POU4F1: variants seen among roughly 807,000 people sequenced by gnomAD.
The protein encoded by POU4F1 is POU class 4 homeobox 1, also known as POU domain, class 4, transcription factor 1.
Under a neutral mutation model 19.8 loss-of-function variants are expected in POU4F1, and 5 were observed. That is an observed-to-expected ratio of 0.25 (90% CI 0.13 to 0.53). The LOEUF (loss-of-function observed/expected upper bound fraction) is 0.53. Ranked by LOEUF, POU4F1 falls within the 20% of genes least tolerant of loss-of-function variation. The pLI, the probability that POU4F1 is intolerant of heterozygous loss-of-function variation, is 0.96. For missense variants in POU4F1, 408 were observed against 511.6 expected, an observed-to-expected ratio of 0.80 and a Z score of 1.95; for synonymous variants, 266 against 247.7, an observed-to-expected ratio of 1.07 and a Z score of -0.69.
In POU4F1 at chr13:78,599,767, G is replaced by A. The variant is rs919251167; in HGVS notation, c.*1648C>T. On this transcript the variant is annotated 3_prime_UTR_variant, in exon 2 of 2. Coordinates refer to ENST00000377208, the MANE Select transcript of POU4F1 (RefSeq NM_006237.4). ...AAGGATGGTAACAAACCATCTCTAC[G>A]AGAGATCCAAAGAGTATCTTGTACA... 1 of 152,330 alleles carries A rather than the reference G, an allele frequency of 6.6e-6. No homozygotes were observed. The highest frequency in any genetic ancestry group is 2.4e-5 in the African/African-American group (1 of 41,358). 9.4% of individuals were successfully genotyped at this position (152,330 alleles called of 1,614,324 possible).
chr13:78,602,314 A>G lies in POU4F1; in HGVS notation c.361T>C (p.Ser121Pro). ...LEPGDLLDHI[S>P]SPSLALMAGA... is the part of the protein sequence containing the mutation. ...GCCATGAGCGCGAGCGACGGCGAGG[A>G]GATGTGGTCCAGCAGATCGCCGGGT... The change falls in exon 2 of 2, where the codon TCC (serine) becomes CCC (proline). Residue 121 changes from serine (S) to proline (P), a missense_variant. Transcript: ENST00000377208. 1 of 1,296,346 alleles carries G rather than the reference A, an allele frequency of 7.7e-7. No homozygotes were observed. 80.3% of individuals were successfully genotyped at this position (1,296,346 alleles called of 1,614,324 possible).
At position 78,603,467 on chromosome 13, in the gene POU4F1, T is replaced by TGCTCCTGCTGCTGCC; in HGVS notation, c.-142_-141insGGCAGCAGCAGGAGC. The TGCTCCTGCTGCTGCC allele has an allele frequency of 8.2e-7, 1 of 1,226,304 alleles. No individual in the cohort carries two copies. The allele number at this position is 1,226,304 out of a possible 1,614,324, so 76.0% of individuals were successfully genotyped here. A position where few individuals can be genotyped will look rare whatever the true frequency, so the allele number is the denominator to read the frequency against. On this transcript the variant is annotated 5_prime_UTR_variant, in exon 1 of 2. Transcript: ENST00000377208. The stretch of plus-strand genomic sequence containing the variant: ...CGGCGGCCCCGCCGCGGGCTGCTGC[T>TGCTCCTGCTGCTGCC]GCTGCTCCTGCTGCTGCCAGGCGCT...
rs1049128243 is a variant in POU4F1, at chr13:78,598,560, T to C, written c.*2855A>G. On this transcript the variant is annotated 3_prime_UTR_variant, in exon 2 of 2. Coordinates refer to ENST00000377208, the MANE Select transcript of POU4F1 (RefSeq NM_006237.4). The stretch of plus-strand genomic sequence containing the variant: ...AACATCAAGTGTTTTCCTTCACAGA[T>C]TTGCCGGTGAAATTAAAAAGATTTG... The C allele has an allele frequency of 6.6e-6, 1 of 152,178 alleles. No individual in the cohort carries two copies. The highest frequency in any genetic ancestry group is 2.4e-5 in the African/African-American group (1 of 41,438). The allele number at this position is 152,178 out of a possible 1,614,324, so 9.4% of individuals were successfully genotyped here.
Position 78,603,465 on chromosome 13 carries a change from G to GCTGCTGCTC in POU4F1, c.-148_-140dup. The GCTGCTGCTC allele has an allele frequency of 1.6e-6, 2 of 1,262,942 alleles. No individual in the cohort carries two copies. Among genetic ancestry groups the GCTGCTGCTC allele is most frequent in the Non-Finnish European group, 2.0e-6 (2 of 999,382 alleles). The allele number at this position is 1,262,942 out of a possible 1,614,324, so 78.2% of individuals were successfully genotyped here. A position where few individuals can be genotyped will look rare whatever the true frequency, so the allele number is the denominator to read the frequency against. On this transcript the variant is annotated 5_prime_UTR_variant, in exon 1 of 2. Coordinates refer to ENST00000377208, the MANE Select transcript of POU4F1 (RefSeq NM_006237.4). ...GGCGGCGGCCCCGCCGCGGGCTGCT[G>GCTGCTGCTC]CTGCTGCTCCTGCTGCTGCCAGGCG... is the stretch of plus-strand genomic sequence containing the variant.
rs1033119204 is a variant in POU4F1 at position 78,601,332 on chromosome 13, C to T, written c.*83G>A. 2.5e-6 allele frequency: 4 copies of T among 1,578,474 alleles called. No individual in the cohort carries two copies. The African/African-American group carries it at 5.4e-5, about 21-fold the overall frequency. ...GGCAGGATAACGGACACTCCAAATCCGAGGGGAGGCAAGCAGAGGAAAGCC... is the reference window on the plus strand; with the variant it reads ...GGCAGGATAACGGACACTCCAAATCTGAGGGGAGGCAAGCAGAGGAAAGCC... On this transcript the variant is annotated 3_prime_UTR_variant, in exon 2 of 2. Transcript: ENST00000377208.
rs1323022465 is a variant in POU4F1 at position 78,599,560 on chromosome 13, T to C, written c.*1855A>G. On this transcript the variant is annotated 3_prime_UTR_variant, in exon 2 of 2. Transcript: ENST00000377208. Reference sequence around the variant, plus strand: ...AGTTTAGTGCTCAGTTTCAAATGCATAGAATGTTTGCCCTGCAAACAATGA... The same window carrying C: ...AGTTTAGTGCTCAGTTTCAAATGCACAGAATGTTTGCCCTGCAAACAATGA... 4 of 152,622 alleles carry C rather than the reference T, an allele frequency of 2.6e-5. No homozygotes were observed. Among genetic ancestry groups the C allele is most frequent in the Non-Finnish European group, 5.9e-5 (4 of 68,032 alleles). The allele number at this position is 152,622 out of a possible 1,614,324, so 9.5% of individuals were successfully genotyped here. A position where few individuals can be genotyped will look rare whatever the true frequency, so the allele number is the denominator to read the frequency against.
Position 78,601,517 on chromosome 13 carries a change from G to C in POU4F1, c.1158C>G (p.Ala386=). 6.2e-7 allele frequency: 1 copy of C among 1,613,944 alleles called. No homozygotes were observed. The highest frequency in any genetic ancestry group is 1.7e-4 in the Middle Eastern group (1 of 6,060). The part of the protein sequence containing the change: ...VQPRPSSEKI[A]AIAEKLDLKK... The stretch of plus-strand genomic sequence containing the variant: ...TGAGGTCCAGTTTCTCGGCGATGGC[G>C]GCGATCTTCTCGGACGAGGGCCGGG... The change falls in exon 2 of 2, where the codon GCC becomes GCG. Residue 386 remains alanine (A), a synonymous_variant. Coordinates refer to ENST00000377208, the MANE Select transcript of POU4F1 (RefSeq NM_006237.4).
Position 78,601,901 on chromosome 13 carries a change from G to A in POU4F1, c.774C>T (p.Ile258=), listed in dbSNP as rs528337665. 2.0e-6 allele frequency: 3 copies of A among 1,526,358 alleles called. No homozygotes were observed. In the African/African-American group the frequency reaches 4.2e-5, roughly 22 times the overall value. The allele number at this position is 1,526,358 out of a possible 1,614,324, so 94.6% of individuals were successfully genotyped here. Residue 258 remains isoleucine, a synonymous_variant, in exon 2 of 2, where the codon ATC becomes ATT. Transcript: ENST00000377208. ...CGCGCGGGTCCGTGTCCGAGTCGCAGATGGACGCCAGGCCCGCTGCGCCCA... is the reference window on the plus strand; with the variant it reads ...CGCGCGGGTCCGTGTCCGAGTCGCAAATGGACGCCAGGCCCGCTGCGCCCA... ...AVVGAAGLAS[I]CDSDTDPREL...
Position 78,602,360 on chromosome 13 carries a change from G to A in POU4F1, c.315C>T (p.His105=). The A allele has an allele frequency of 6.7e-7, 1 of 1,495,216 alleles. No homozygotes were observed. The highest frequency in any genetic ancestry group is 1.3e-5 in the South Asian group (1 of 79,226). 92.6% of individuals were successfully genotyped at this position (1,495,216 alleles called of 1,614,324 possible). ...CGGGTTCGAGCGCCTGGTGGTGGTG[G>A]TGGTGGTGGTGGTGGTGCGCCAGAG... ...TVPLAHHHHH[H]HHHQALEPGD... The change falls in exon 2 of 2, where the codon CAC becomes CAT. Residue 105 remains histidine (H), a synonymous_variant. Transcript: ENST00000377208.
rs528251343 is a variant in POU4F1 at position 78,601,296 on chromosome 13, C to T, written c.*119G>A. 8.1e-4 allele frequency: 1,191 copies of T among 1,471,428 alleles called. 4 individuals are homozygous for T. Among genetic ancestry groups the T allele is most frequent in the South Asian group, 9.0e-4 (67 of 74,648 alleles). 91.1% of individuals were successfully genotyped at this position (1,471,428 alleles called of 1,614,324 possible). A position where few individuals can be genotyped will look rare whatever the true frequency, so the allele number is the denominator to read the frequency against. ...GGAGGAAAGAGAGCGAGAAGGGACT[C>T]CCCAAATGCAGGCAGGATAACGGAC... On this transcript the variant is annotated 3_prime_UTR_variant, in exon 2 of 2. Transcript: ENST00000377208.
Position 78,601,232 on chromosome 13 carries a change from G to T in POU4F1, c.*183C>A. ...CACACCCAGCACCCCAGTCCTCAAG[G>T]CTAGGGGACAGCAAAGGCAGGAAAA... On this transcript the variant is annotated 3_prime_UTR_variant, in exon 2 of 2. Transcript: ENST00000377208. 9.0e-7 allele frequency: 1 copy of T among 1,110,498 alleles called. No homozygotes were observed. The highest frequency in any genetic ancestry group is 1.2e-6 in the Non-Finnish European group (1 of 804,420). The allele number at this position is 1,110,498 out of a possible 1,614,324, so 68.8% of individuals were successfully genotyped here. A position where few individuals can be genotyped will look rare whatever the true frequency, so the allele number is the denominator to read the frequency against.
Position 78,601,814 on chromosome 13 carries a change from G to T in POU4F1, c.861C>A (p.Ala287=), listed in dbSNP as rs372132643. 219 of 1,611,436 alleles carry T rather than the reference G, an allele frequency of 1.4e-4. 1 individual carries two copies. In the East Asian group the frequency reaches 4.8e-3, roughly 36 times the overall value. The part of the protein sequence containing the change: ...QRRIKLGVTQ[A]DVGSALANLK... ...GGTTGGCCAGCGCCGAGCCCACGTC[G>T]GCCTGCGTCACGCCCAGCTTGATGC... Residue 287 remains alanine, a synonymous_variant, in exon 2 of 2, where the codon GCC becomes GCA. Coordinates refer to ENST00000377208, the MANE Select transcript of POU4F1 (RefSeq NM_006237.4).
Position 78,601,128 on chromosome 13 carries a change from G to T in POU4F1, c.*287C>A. Reference sequence around the variant, plus strand: ...ATCCTGCTCCTTAAAACCCCTGCTCGGGTCTCCGCTTTCCTTCCCCCCACT... The same window carrying T: ...ATCCTGCTCCTTAAAACCCCTGCTCTGGTCTCCGCTTTCCTTCCCCCCACT... On this transcript the variant is annotated 3_prime_UTR_variant, in exon 2 of 2. Coordinates refer to ENST00000377208, the MANE Select transcript of POU4F1 (RefSeq NM_006237.4). The T allele has an allele frequency of 2.5e-6, 1 of 400,518 alleles. No individual in the cohort carries two copies. Among genetic ancestry groups the T allele is most frequent in the Non-Finnish European group, 4.5e-6 (1 of 224,150 alleles). The allele number at this position is 400,518 out of a possible 1,614,324, so 24.8% of individuals were successfully genotyped here.
chr13:78,603,117 C>T, intron 1 of POU4F1, 87 bp downstream of exon 1: 2 of 1,119,420 alleles, frequency 1.8e-6, no homozygotes, highest in Non-Finnish European at 2.3e-6. Flanking sequence ...GCACCGGGAC[C>T]TGCACACACC....
rs780478247 is a variant in POU4F1, at chr13:78,603,345, A to C, written c.-19T>G. The C allele has an allele frequency of 6.4e-7, 1 of 1,571,476 alleles. No homozygotes were observed. The highest frequency in any genetic ancestry group is 8.6e-7 in the Non-Finnish European group (1 of 1,159,824). On this transcript the variant is annotated 5_prime_UTR_variant, in exon 1 of 2. Transcript: ENST00000377208. ...ACATCATCGTGGCGGCTTGGCATGT[A>C]TATCCACAAACACTCCGAAAGTCCG...
rs1175117364 is a variant in POU4F1, at chr13:78,602,247, G to GCGC, written c.425_427dup (p.Gly142dup). On this transcript the variant is annotated inframe_insertion, in exon 2 of 2. Coordinates refer to ENST00000377208, the MANE Select transcript of POU4F1 (RefSeq NM_006237.4). ...GCCACCGCCCCCCGGGCCGTCGTGGGCGCCGCCGCCGCCGGCCGCCGCGCC... is the reference window on the plus strand; with the variant it reads ...GCCACCGCCCCCCGGGCCGTCGTGGGCGCCGCCGCCGCCGCCGGCCGCCGCGCC... The GCGC allele has an allele frequency of 1.9e-3, 1,846 of 980,284 alleles. 3 individuals carry two copies. Among genetic ancestry groups the GCGC allele is most frequent in the Non-Finnish European group, 2.1e-3 (1,707 of 828,162 alleles). 60.7% of individuals were successfully genotyped at this position (980,284 alleles called of 1,614,324 possible). A position where few individuals can be genotyped will look rare whatever the true frequency, so the allele number is the denominator to read the frequency against.
Position 78,603,218 on chromosome 13 carries a change from G to A in POU4F1, c.109C>T (p.Leu37=), listed in dbSNP as rs1169935020. Residue 37 remains leucine (L), a synonymous_variant, in exon 1 of 2, where the codon CTG becomes TTG. Coordinates refer to ENST00000377208, the MANE Select transcript of POU4F1 (RefSeq NM_006237.4). ...SSSEAIRRAC[L]PTPPLQSNLF... is the part of the protein sequence containing the mutation. ...GGGGCGCTTACCGGCGGCGTGGGCA[G>A]GCAGGCCCGCCGGATGGCCTCGGAG... 6.4e-7 allele frequency: 1 copy of A among 1,551,300 alleles called. No individual in the cohort carries two copies.
At position 78,600,223 on chromosome 13, in the gene POU4F1, A is replaced by T. The variant is rs1238642581; in HGVS notation, c.*1192T>A. On this transcript the variant is annotated 3_prime_UTR_variant, in exon 2 of 2. Coordinates refer to ENST00000377208, the MANE Select transcript of POU4F1 (RefSeq NM_006237.4). ...GCAAGATGAGTCTCGTTCAGTGGAGAAAACAGGAGAGAGTATCTCTCCTAA... is the reference window on the plus strand; with the variant it reads ...GCAAGATGAGTCTCGTTCAGTGGAGTAAACAGGAGAGAGTATCTCTCCTAA... 1 of 152,198 alleles carries T rather than the reference A, an allele frequency of 6.6e-6. No individual in the cohort carries two copies. The highest frequency in any genetic ancestry group is 2.4e-5 in the African/African-American group (1 of 41,432). 9.4% of individuals were successfully genotyped at this position (152,198 alleles called of 1,614,324 possible).
chr13:78,602,409 G>A lies in POU4F1; in HGVS notation c.266C>T (p.Pro89Leu). The A allele has an allele frequency of 6.4e-7, 1 of 1,571,452 alleles. No individual in the cohort carries two copies. The highest frequency in any genetic ancestry group is 8.6e-7 in the Non-Finnish European group (1 of 1,160,786). ...DATYHTMNSVPCTSTSTVPLA... is the reference protein window; with the variant it reads ...DATYHTMNSVLCTSTSTVPLA... Reference sequence around the variant, plus strand: ...AGGCACCGTGGAAGTGGACGTGCACGGCACGCTGTTCATCGTGTGGTACGT... The same window carrying A: ...AGGCACCGTGGAAGTGGACGTGCACAGCACGCTGTTCATCGTGTGGTACGT... The change falls in exon 2 of 2, where the codon CCG becomes CTG. Residue 89 changes from proline to leucine, a missense_variant. Around this residue, in one of 4 missense-constraint regions of POU4F1, gnomAD observed 294 missense variants for 288.2 expected, o/e 1.02. Transcript: ENST00000377208.
Sources: allele counts gnomAD v4.1 joint callset, GRCh38; gene constraint gnomAD v4.1.1; regional missense constraint gnomAD v4.1.1; transcripts MANE v1.5; gene names NCBI Gene and HGNC (gene_info 2026-07-23, HGNC 2026-07-21).